The following TCEA3 variants were observed in gnomAD, a reference collection of about 807,000 sequenced individuals.
TCEA3 encodes transcription elongation factor A protein 3.
Under a neutral mutation model 44.0 loss-of-function variants are expected in TCEA3, and 36 were observed. The observed-to-expected ratio is 0.82, with a 90% CI of 0.63 to 1.08. The LOEUF (loss-of-function observed/expected upper bound fraction) is 1.08, where lower values mean the gene tolerates loss of function less well. Among genes scored for constraint, TCEA3 ranks in the 50% least tolerant of loss-of-function variants. The probability of loss-of-function intolerance (pLI) is 0.00; values close to 1 mark genes in which losing one functional copy is unlikely to be tolerated. For missense variants in TCEA3, 392 were observed against 441.2 expected (o/e 0.89, Z 1.00); for synonymous variants, 162 against 159.7 (o/e 1.01, Z -0.11).
chr1:23,414,197 A>G (rs956657389), intron 4 of TCEA3, among the ~76,000 whole-genome samples: 1 of 147,390 alleles, frequency 6.8e-6, no homozygotes, highest in Non-Finnish European at 1.5e-5. Flanking sequence ...GGTTCAAACA[A>G]TTCTCCTCCT....
At position 23,387,422 on chromosome 1, in the gene TCEA3, G is replaced by C. The variant is rs112407878; in HGVS notation, c.820-3C>G. 3.1e-6 allele frequency: 5 copies of C among 1,592,300 alleles called. No individual in the cohort carries two copies. The highest frequency in any genetic ancestry group is 1.8e-5 in the Admixed American group (1 of 55,936). ...CTCAGTTCATCACTGGCCATTTCCT[G>C]GAGAAAAAAGAGTCTACCCTTCAGG... On this transcript the variant is annotated splice_polypyrimidine_tract_variant and splice_region_variant and intron_variant, in intron 8 of 10. Transcript: ENST00000450454.
At chr1:23,416,165 C>T (rs556628878) in intron 4 of TCEA3, among the ~76,000 whole-genome samples, 123 of 151,958 alleles carry the variant, frequency 8.1e-4, no homozygotes, top group Non-Finnish European at 1.7e-3. Context: ...TGCCACCACA[C>T]CCAGCTAATT....
intron 8 of TCEA3, among the ~76,000 whole-genome samples, chr1:23,388,800 C>G (rs897745703): frequency 6.6e-6 from 1 of 152,178 alleles, no homozygotes; most frequent in African/African-American, 2.4e-5. Context: ...CCCACCTCAG[C>G]CTCCCAAGTA....
intron 2 of TCEA3, among the ~76,000 whole-genome samples, chr1:23,418,774 G>T (rs1388366360): frequency 6.6e-6 from 1 of 152,044 alleles, no homozygotes; most frequent in African/African-American, 2.4e-5. Context: ...CCTCTCCCTG[G>T]ATCATTGGCC....
At position 23,416,965 on chromosome 1, in the gene TCEA3, A is replaced by G. The variant is rs557058136; in HGVS notation, c.380+284T>C. On this transcript the variant is annotated intron_variant, in intron 4 of 10. Transcript: ENST00000450454. ...GCTCTAGACTGCCGTGCGGTCTCCT[A>G]TGGGAACTCTCTGTAGAGAAATGCT... is the stretch of plus-strand genomic sequence containing the variant. Among the ~76,000 whole-genome samples, 96 of 152,200 alleles carry G rather than the reference A, an allele frequency of 6.3e-4. 2 individuals carry two copies. In the South Asian group the frequency reaches 9.7e-3, roughly 15 times the overall value.
At chr1:23,418,927 T>A in intron 2 of TCEA3, 150 bp downstream of exon 2, 1 of 279,996 alleles carries the variant, frequency 3.6e-6, no homozygotes, top group Non-Finnish European at 5.5e-6. Flanking sequence ...CCTCAGTCCC[T>A]CCCTGGGAGG....
chr1:23,407,138 T>C lies in TCEA3; in HGVS notation c.443+1526A>G, dbSNP rs78916173. Among the ~76,000 whole-genome samples the C allele has an allele frequency of 7.8e-3, 1,184 of 152,292 alleles. 22 individuals carry two copies. Among genetic ancestry groups the C allele is most frequent in the African/African-American group, 0.026 (1,094 of 41,560 alleles). On this transcript the variant is annotated intron_variant, in intron 5 of 10. Transcript: ENST00000450454. ...ATGGCAACTCCATCCTTGCAGATGC[T>C]CAAGTGAAAAATCTTGGACTCATCC...
intron 1 of TCEA3, among the ~76,000 whole-genome samples, chr1:23,424,101 C>T (rs1640144931): frequency 1.3e-5 from 2 of 152,128 alleles, no homozygotes; most frequent in Admixed American, 1.3e-4. Flanking sequence ...TGCAGGGATG[C>T]AGCTCAGTAC....
intron 6 of TCEA3, 42 bp downstream of exon 6, chr1:23,397,749 AG>A: frequency 6.2e-7 from 1 of 1,612,850 alleles, no homozygotes; most frequent in Non-Finnish European, 8.5e-7. Context: ...GATTGGGAAA[AG>A]GGACTCCTTC....
chr1:23,392,633 A>G (rs1570240055), intron 8 of TCEA3, among the ~76,000 whole-genome samples: 3 of 147,066 alleles, frequency 2.0e-5, no homozygotes, highest in Non-Finnish European at 3.0e-5. Flanking sequence ...CACTCCACAC[A>G]TCATACACAC....
Position 23,408,666 on chromosome 1 carries a change from T to C in TCEA3, c.441A>G (p.Glu147=). The C allele has an allele frequency of 6.2e-7, 1 of 1,611,216 alleles. No homozygotes were observed. The highest frequency in any genetic ancestry group is 8.5e-7 in the Non-Finnish European group (1 of 1,178,864). The stretch of plus-strand genomic sequence containing the variant: ...GAGAAAGCTGTGGTTTCCTTTACCT[T>C]TCCACCGATGGTCTTTTTGGAGAGG... ...ASSSPKRPSV[E]RSNSSKSKAE... is the part of the protein sequence containing the mutation. Residue 147 remains glutamate, a splice_region_variant and synonymous_variant, in exon 5 of 11, where the codon GAA becomes GAG. Coordinates refer to ENST00000450454, the MANE Select transcript of TCEA3 (RefSeq NM_003196.3).
Position 23,417,343 on chromosome 1 carries a change from C to A in TCEA3, c.286G>T (p.Ala96Ser). The change falls in exon 4 of 11, where the codon GCA becomes TCA. Residue 96 changes from alanine to serine, a missense_variant. Ala to Ser is a moderately conservative substitution (Grantham distance 99, BLOSUM62 1). Coordinates refer to ENST00000450454, the MANE Select transcript of TCEA3 (RefSeq NM_003196.3). ...KGEKGEEREK[A>S]KKKEKGLECS... ...TCAAGCCCTTTTTCCTTCTTCTTTG[C>A]CTTTTCTCTTTCCTCTCCTTTTTCT... The A allele has an allele frequency of 3.1e-6, 5 of 1,613,990 alleles. No individual in the cohort carries two copies. Among genetic ancestry groups the A allele is most frequent in the Non-Finnish European group, 3.4e-6 (4 of 1,179,884 alleles).
chr1:23,394,020 C>A lies in TCEA3; in HGVS notation c.678G>T (p.Glu226Asp). The change falls in exon 8 of 11, where the codon GAG becomes GAT. Residue 226 changes from glutamate to aspartate, a missense_variant. Transcript: ENST00000450454. ...GGTACTTCATGTCCGTGCTCTTGAG[C>A]TCTTGGTAGATATGTGACACAGTCA... ...ASEIEDHIYQELKSTDMKYRN... is the reference protein window; with the variant it reads ...ASEIEDHIYQDLKSTDMKYRN... 2.5e-6 allele frequency: 4 copies of A among 1,614,024 alleles called. No individual in the cohort carries two copies. In the South Asian group the frequency reaches 4.4e-5, roughly 18 times the overall value.
chr1:23,382,553 G>A (rs575265495), intron 10 of TCEA3, among the ~76,000 whole-genome samples: 32 of 152,238 alleles, frequency 2.1e-4, no homozygotes, highest in Non-Finnish European at 4.3e-4. Context: ...AGGCTGAAAC[G>A]TAGCCCCTGC....
At chr1:23,390,405 T>C (rs1434315877) in intron 8 of TCEA3, among the ~76,000 whole-genome samples, 1 of 152,100 alleles carries the variant, frequency 6.6e-6, no homozygotes, top group Non-Finnish European at 1.5e-5. Context: ...CTCTTGAACC[T>C]GGGAGGTGGA....
intron 7 of TCEA3, among the ~76,000 whole-genome samples, chr1:23,394,990 AAAG>A (rs1271880217): frequency 1.3e-5 from 2 of 152,224 alleles, no homozygotes; most frequent in Non-Finnish European, 2.9e-5. Context: ...CTCCTGAGCC[AAAG>A]AAGATCAGGA....
Position 23,418,713 on chromosome 1 carries a change from T to C in TCEA3, c.132+364A>G, listed in dbSNP as rs1639967906. 2.0e-5 allele frequency among the ~76,000 whole-genome samples: 3 copies of C among 152,102 alleles called. No homozygotes were observed. The South Asian group carries it at 6.2e-4, about 32-fold the overall frequency. ...ATTTTTCAGGGCCAGGAGCTTTTGG[T>C]AAATCTGGGGACTTTAAGGGCTACA... On this transcript the variant is annotated intron_variant, in intron 2 of 10. Transcript: ENST00000450454.
At chr1:23,420,566 T>A (rs1640032609) in intron 1 of TCEA3, among the ~76,000 whole-genome samples, 1 of 152,190 alleles carries the variant, frequency 6.6e-6, no homozygotes, top group Non-Finnish European at 1.5e-5. Flanking sequence ...TTAAATTCAT[T>A]CACCGGTTGA....
At chr1:23,415,334 C>T (rs1639859490) in intron 4 of TCEA3, among the ~76,000 whole-genome samples, 1 of 152,112 alleles carries the variant, frequency 6.6e-6, no homozygotes, top group South Asian at 2.1e-4. Context: ...CTTTACTGTT[C>T]ATTCAGTGGG....
Sources: allele counts gnomAD v4.1 joint callset (sites outside exome capture counted in the v4.1 genomes callset), GRCh38; gene constraint gnomAD v4.1.1; transcripts MANE v1.5; gene names NCBI Gene and HGNC (gene_info 2026-07-23, HGNC 2026-07-21).